Variants in ROBO2 observed in about 807,000 individuals in gnomAD.
ROBO2 encodes the protein roundabout homolog 2.
In ROBO2, 53 loss-of-function variants were observed where a neutral mutation model predicts 160.8. The ratio of observed to expected loss-of-function variants is 0.33; its 90% CI spans 0.26 to 0.41. The LOEUF is 0.41. Ranked by LOEUF, ROBO2 falls within the 10% of genes least tolerant of loss-of-function variation. The probability of loss-of-function intolerance (pLI) is 1.00; values close to 1 mark genes in which losing one functional copy is unlikely to be tolerated. For synonymous variants in ROBO2, 664 were observed against 611.7 expected, an observed-to-expected ratio of 1.09 and a Z score of -1.26; for missense variants, 1,577 against 1,722.4, an observed-to-expected ratio of 0.92 and a Z score of 1.49.
At chr3:77,489,024 AAAC>A (rs759083194) in intron 4 of ROBO2, among the ~76,000 whole-genome samples, 10 of 152,202 alleles carry the variant, frequency 6.6e-5, no homozygotes, top group Non-Finnish European at 1.5e-4. Context: ...AATTAACAGA[AAAC>A]AATTGGAATA....
At chr3:77,092,381 T>C (rs2070413453) in intron 1 of ROBO2, among the ~76,000 whole-genome samples, 1 of 151,860 alleles carries the variant, frequency 6.6e-6, no homozygotes, top group Non-Finnish European at 1.5e-5. Context: ...GGATTAAAGG[T>C]CATGAGTTCT....
At chr3:76,586,207 C>T (rs2086029041) in intron 2 of ROBO2, among the ~76,000 whole-genome samples, 1 of 152,168 alleles carries the variant, frequency 6.6e-6, no homozygotes, top group Non-Finnish European at 1.5e-5. Flanking sequence ...AGCTGAAAAT[C>T]ATAGCTATGT....
chr3:77,617,366 T>A, intron 21 of ROBO2, 147 bp from the exon 23 acceptor site: 1 of 814,672 alleles, frequency 1.2e-6, no homozygotes, highest in Non-Finnish European at 2.1e-6. Context: ...GGTGATTTAC[T>A]GTGGTGACAC....
chr3:77,582,331 C>A (rs914583748), intron 16 of ROBO2, among the ~76,000 whole-genome samples: 4 of 152,146 alleles, frequency 2.6e-5, no homozygotes, highest in Non-Finnish European at 4.4e-5. Context: ...GAATTCCTGG[C>A]CTCATGTGAT....
chr3:76,273,005 TA>T (rs1398119212), intron 2 of ROBO2, among the ~76,000 whole-genome samples: 29 of 92,632 alleles, frequency 3.1e-4, no homozygotes, highest in South Asian at 8.0e-4. Context: ...AATTTATATA[TA>T]AAAATATATT....
At chr3:77,521,097 G>A (rs2090546542) in intron 5 of ROBO2, among the ~76,000 whole-genome samples, 1 of 151,218 alleles carries the variant, frequency 6.6e-6, no homozygotes, top group Admixed American at 6.6e-5. Flanking sequence ...TGCTTTTTGT[G>A]TGCCTGTTTT....
Position 76,340,253 on chromosome 3 carries a change from C to T in ROBO2, c.109+402651C>T, listed in dbSNP as rs191694903. 5.1e-4 allele frequency among the ~76,000 whole-genome samples: 78 copies of T among 152,176 alleles called. 1 individual carries two copies. In the Middle Eastern group the frequency reaches 0.02, roughly 40 times the overall value. On this transcript the variant is annotated intron_variant, in intron 2 of 26. Coordinates refer to the ROBO2 transcript ENST00000487694. Reference sequence around the variant, plus strand: ...TGCATATTATTCTAACAAAAAAATTCATGCTGGCAAGCTGTCCTTTTGGTC... The same window carrying T: ...TGCATATTATTCTAACAAAAAAATTTATGCTGGCAAGCTGTCCTTTTGGTC...
chr3:77,211,833 T>A (rs1214344634), intron 2 of ROBO2, among the ~76,000 whole-genome samples: 8 of 152,188 alleles, frequency 5.3e-5, no homozygotes, highest in Non-Finnish European at 1.2e-4. Flanking sequence ...AAATAGGGAA[T>A]CCTTTCCCCA....
At chr3:76,917,711 G>T (rs757866979) in intron 2 of ROBO2, among the ~76,000 whole-genome samples, 1 of 151,594 alleles carries the variant, frequency 6.6e-6, no homozygotes, top group Admixed American at 6.6e-5. Context: ...GGCATCTGTC[G>T]TTCACATATG....
intron 2 of ROBO2, among the ~76,000 whole-genome samples, chr3:76,382,674 G>A (rs2076695818): frequency 6.6e-6 from 1 of 152,188 alleles, no homozygotes; most frequent in East Asian, 1.9e-4. Flanking sequence ...GTTAAAGAAA[G>A]GCAATGAAGT....
At chr3:77,016,675 A>G (rs1006947845) in intron 2 of ROBO2, among the ~76,000 whole-genome samples, 8 of 152,192 alleles carry the variant, frequency 5.3e-5, no homozygotes, top group African/African-American at 1.9e-4. Flanking sequence ...TGCAACCATT[A>G]TCACCATTCT....
At chr3:77,612,629 C>G (rs545893865) in intron 21 of ROBO2, among the ~76,000 whole-genome samples, 1 of 152,146 alleles carries the variant, frequency 6.6e-6, no homozygotes, top group African/African-American at 2.4e-5. Flanking sequence ...TCTTCACACA[C>G]ACACACAAAA....
intron 14 of ROBO2, 43 bp from the exon 16 acceptor site, chr3:77,577,447 C>T: frequency 6.2e-7 from 1 of 1,612,572 alleles, no homozygotes; most frequent in Non-Finnish European, 8.5e-7. Flanking sequence ...GAACGCACAC[C>T]AAGGCTTATA....
intron 17 of ROBO2, among the ~76,000 whole-genome samples, chr3:77,589,802 A>G (rs1209066750): frequency 6.6e-6 from 1 of 152,164 alleles, no homozygotes. Context: ...AACAACAATG[A>G]TAAGAAATAT....
rs150993192 is a variant in ROBO2, at chr3:75,967,837, C to A, written c.109+30235C>A. 2.8e-3 allele frequency among the ~76,000 whole-genome samples: 419 copies of A among 151,372 alleles called. 5 individuals are homozygous for A. The East Asian group carries it at 0.034, about 12-fold the overall frequency. Reference sequence around the variant, plus strand: ...GCCCATTTCTAAGAGTATTTGGAAGCAGATATTATGTTACTAAAAACAGTA... The same window carrying A: ...GCCCATTTCTAAGAGTATTTGGAAGAAGATATTATGTTACTAAAAACAGTA... On this transcript the variant is annotated intron_variant, in intron 2 of 26. Coordinates refer to the ROBO2 transcript ENST00000487694.
At chr3:76,131,394 A>G (rs1273462032) in intron 2 of ROBO2, among the ~76,000 whole-genome samples, 4 of 152,054 alleles carry the variant, frequency 2.6e-5, no homozygotes, top group Admixed American at 2.6e-4. Context: ...ACATGTTACG[A>G]CTGTTCCTTA....
chr3:77,292,941 T>A (rs2061494196), intron 2 of ROBO2, among the ~76,000 whole-genome samples: 1 of 148,302 alleles, frequency 6.7e-6, no homozygotes, highest in African/African-American at 2.5e-5. Flanking sequence ...AATTGACGAT[T>A]AAACGGTAAG....
chr3:76,407,071 T>C (rs946211620), intron 2 of ROBO2, among the ~76,000 whole-genome samples: 1 of 151,484 alleles, frequency 6.6e-6, no homozygotes, highest in African/African-American at 2.4e-5. Context: ...GCAATGTTTC[T>C]TTTTTTAGAC....
chr3:77,572,103 C>T (rs141668270), intron 13 of ROBO2, among the ~76,000 whole-genome samples: 107 of 151,980 alleles, frequency 7.0e-4, no homozygotes, highest in African/African-American at 2.5e-3. Flanking sequence ...ACCAATTTAC[C>T]CTGATTTACA....
Sources: gnomAD v4.1 joint callset for allele counts (sites outside exome capture counted in the v4.1 genomes callset) on GRCh38, gnomAD v4.1.1 for gene constraint, MANE v1.5 for transcripts, NCBI Gene and HGNC (gene_info 2026-07-23, HGNC 2026-07-21) for gene names.